GLS2: variants seen among roughly 807,000 people sequenced by gnomAD.
The protein encoded by GLS2 is glutaminase 2, also known as glutaminase liver isoform, mitochondrial.
GLS2 carries 52 observed loss-of-function variants against 79.0 expected under a neutral mutation model. The ratio of observed to expected loss-of-function variants is 0.66; its 90% CI spans 0.53 to 0.83. The LOEUF is 0.83. Among genes scored for constraint, GLS2 ranks in the 40% least tolerant of loss-of-function variants. The probability of loss-of-function intolerance (pLI) is 0.00; values close to 1 mark genes in which losing one functional copy is unlikely to be tolerated. For synonymous variants in GLS2, 238 were observed against 280.8 expected (o/e 0.85, Z 1.52); for missense variants, 561 against 764.8 (o/e 0.73, Z 3.14).
intron 9 of GLS2, 77 bp downstream of exon 9, chr12:56,475,547 C>G (rs1000094799): frequency 1.5e-5 from 21 of 1,446,588 alleles, no homozygotes; most frequent in Non-Finnish European, 1.9e-5. Context: ...CTCTCTCCCC[C>G]ATTCCTCTTG....
chr12:56,480,902 C>G (rs1461387712), intron 1 of GLS2, among the ~76,000 whole-genome samples: 1 of 152,170 alleles, frequency 6.6e-6, no homozygotes, highest in African/African-American at 2.4e-5. Flanking sequence ...AGAGTTTGCC[C>G]CTTAATAGCT....
chr12:56,471,286 C>A lies in GLS2; in HGVS notation c.*201G>T. On this transcript the variant is annotated 3_prime_UTR_variant, in exon 18 of 18. Transcript: ENST00000311966. ...TCTGGATAGCTGTACTGCAGGTGTC[C>A]TCTGAGGCCCTTCTCTGTACTCTGT... The A allele has an allele frequency of 1.8e-6, 1 of 564,506 alleles. No homozygotes were observed. Among genetic ancestry groups the A allele is most frequent in the South Asian group, 2.8e-5 (1 of 35,660 alleles). The allele number at this position is 564,506 out of a possible 1,614,324, so 35.0% of individuals were successfully genotyped here.
intron 2 of GLS2, 109 bp from the exon 3 acceptor site, chr12:56,480,010 G>C: frequency 7.2e-7 from 1 of 1,398,528 alleles, no homozygotes; most frequent in Non-Finnish European, 9.8e-7. Flanking sequence ...CACTACAATA[G>C]GTGGAACAAA....
intron 4 of GLS2, 96 bp from the exon 5 acceptor site, chr12:56,478,358 A>T: frequency 7.4e-7 from 1 of 1,344,772 alleles, no homozygotes; most frequent in Non-Finnish European, 1.0e-6. Flanking sequence ...TAAAAGCTAA[A>T]ATTCTGTCTT....
intron 8 of GLS2, 32 bp from the exon 9 acceptor site, chr12:56,475,714 C>T (rs1869748476): frequency 2.5e-6 from 4 of 1,612,444 alleles, no homozygotes; most frequent in Non-Finnish European, 3.4e-6. Context: ...TGAGGCTCCA[C>T]TTGGTTAAGA....
chr12:56,483,559 G>A (rs746210559), intron 1 of GLS2, among the ~76,000 whole-genome samples: 44 of 152,196 alleles, frequency 2.9e-4, no homozygotes, highest in African/African-American at 6.3e-4. Context: ...TAAAAGAAGC[G>A]TGCTGTAGAA....
At chr12:56,475,578 A>G (rs1869734713) in intron 9 of GLS2, 46 bp downstream of exon 9, 11 of 1,585,124 alleles carry the variant, frequency 6.9e-6, no homozygotes, top group Non-Finnish European at 9.5e-6. Flanking sequence ...AAGTACACAC[A>G]CATACACCAC....
At chr12:56,472,885 C>A (rs200851185) in intron 14 of GLS2, 134 bp from the exon 15 acceptor site, 19 of 399,730 alleles carry the variant, frequency 4.8e-5, no homozygotes, top group Non-Finnish European at 8.4e-5. Context: ...CTGAAATATT[C>A]TTTTTTTTTT....
chr12:56,476,265 C>T (rs147222384), intron 7 of GLS2: 7 of 376,254 alleles, frequency 1.9e-5, no homozygotes, highest in Admixed American at 8.3e-5. Flanking sequence ...CAGGCTCAAG[C>T]GATCCTCCCA....
chr12:56,479,681 G>C, intron 3 of GLS2, 99 bp downstream of exon 3: 1 of 1,319,512 alleles, frequency 7.6e-7, no homozygotes, highest in Non-Finnish European at 1.0e-6. Flanking sequence ...ATAAAATGAG[G>C]AATTGAACTA....
chr12:56,472,161 C>T lies in GLS2; in HGVS notation c.1546G>A (p.Asp516Asn). The T allele has an allele frequency of 6.2e-7, 1 of 1,614,202 alleles. No homozygotes were observed. The highest frequency in any genetic ancestry group is 8.5e-7 in the Non-Finnish European group (1 of 1,180,048). The change falls in exon 16 of 18, where the codon GAC (aspartate) becomes AAC (asparagine). Residue 516 changes from aspartate (D) to asparagine (N), a missense_variant. Physicochemically the swap from Asp to Asn is conservative, Grantham distance 23. Transcript: ENST00000311966. ...ALSAMDMEQK[D>N]YDSRTALHVA... The stretch of plus-strand genomic sequence containing the variant: ...TGCAGAGCTGTGCGCGAGTCATAGT[C>T]TTTCTGTTCCATATCCATGGCTGAC...
At chr12:56,480,243 A>G in intron 2 of GLS2, 45 bp downstream of exon 2, 2 of 1,526,246 alleles carry the variant, frequency 1.3e-6, no homozygotes, top group Non-Finnish European at 1.8e-6. Context: ...CACTTTTCAG[A>G]GATCTTAAGG....
rs770208605 is a variant in GLS2 at position 56,475,056 on chromosome 12, G to C, written c.984C>G (p.Leu328=). ...CTCTTCTGGTTACCTTCTTTTCCTT[G>C]AGATAATAGCCGATGGCATAATTCC... The part of the protein sequence containing the change: ...GDRNYAIGYY[L]KEKKCFPKGV... The change falls in exon 10 of 18, where the codon CTC becomes CTG. Residue 328 remains leucine (L), a synonymous_variant. Coordinates refer to ENST00000311966, the MANE Select transcript of GLS2 (RefSeq NM_013267.4). 3 of 1,614,058 alleles carry C rather than the reference G, an allele frequency of 1.9e-6. No homozygotes were observed. The highest frequency in any genetic ancestry group is 2.2e-5 in the South Asian group (2 of 91,082).
intron 1 of GLS2, 59 bp downstream of exon 1, chr12:56,487,878 C>G (rs1353033289): frequency 6.5e-7 from 1 of 1,545,076 alleles, no homozygotes; most frequent in Non-Finnish European, 8.7e-7. Flanking sequence ...CGGGAACTAG[C>G]GAGAACCACA....
chr12:56,473,391 A>T, intron 13 of GLS2, 71 bp from the exon 14 acceptor site: 4 of 1,605,532 alleles, frequency 2.5e-6, no homozygotes, highest in Non-Finnish European at 3.4e-6. Context: ...TTGCTTTATT[A>T]TAGTAAAAGT....
At chr12:56,472,028 A>T in intron 16 of GLS2, 91 bp downstream of exon 16, 1 of 1,429,616 alleles carries the variant, frequency 7.0e-7, no homozygotes, top group Non-Finnish European at 9.8e-7. Flanking sequence ...TGCCCCTATA[A>T]CCTTGAGGGC....
intron 1 of GLS2, among the ~76,000 whole-genome samples, chr12:56,484,068 G>A (rs1472071181): frequency 5.9e-5 from 9 of 152,032 alleles, no homozygotes; most frequent in African/African-American, 2.2e-4. Flanking sequence ...TAAGGAGTTC[G>A]AGACCAGCCT....
chr12:56,471,663 G>T lies in GLS2; in HGVS notation c.1653-20C>A, dbSNP rs752875915. On this transcript the variant is annotated intron_variant, in intron 17 of 17. Coordinates refer to ENST00000311966, the MANE Select transcript of GLS2 (RefSeq NM_013267.4). Reference sequence around the variant, plus strand: ...CCCCACCTGAGAGGAATAATGATATGATCAGGCAAAGGAGACGTGGAGAGT... The same window carrying T: ...CCCCACCTGAGAGGAATAATGATATTATCAGGCAAAGGAGACGTGGAGAGT... 40 of 1,613,564 alleles carry T rather than the reference G, an allele frequency of 2.5e-5. No homozygotes were observed. The Middle Eastern group carries it at 6.6e-4, about 27-fold the overall frequency.
rs945265911 is a variant in GLS2, at chr12:56,473,222, C to A, written c.1449+6G>T. 4.3e-6 allele frequency: 7 copies of A among 1,613,658 alleles called. No homozygotes were observed. The highest frequency in any genetic ancestry group is 5.9e-6 in the Non-Finnish European group (7 of 1,179,724). The stretch of plus-strand genomic sequence containing the variant: ...ATTCTTACAAGCCACCTGGAGTTTT[C>A]CTTACCCGAATTTCTGCCCCTTCAC... On this transcript the variant is annotated splice_donor_region_variant and intron_variant, in intron 14 of 17. Transcript: ENST00000311966.
Sources: allele counts gnomAD v4.1 joint callset (sites outside exome capture counted in the v4.1 genomes callset), GRCh38; gene constraint gnomAD v4.1.1; transcripts MANE v1.5; gene names NCBI Gene and HGNC (gene_info 2026-07-23, HGNC 2026-07-21).